The following PTCH1 variants were observed in gnomAD, a reference collection of about 807,000 sequenced individuals.
PTCH1 encodes patched 1, also known as protein patched homolog 1.
PTCH1 carries 14 observed loss-of-function variants against 144.6 expected under a neutral mutation model. The observed-to-expected ratio is 0.10, with a 90% CI of 0.06 to 0.15. PTCH1 has a LOEUF of 0.15. Ranked by LOEUF, PTCH1 falls within the 10% of genes least tolerant of loss-of-function variation. The probability of loss-of-function intolerance (pLI) is 1.00; values close to 1 mark genes in which losing one functional copy is unlikely to be tolerated. For synonymous variants in PTCH1, 833 were observed against 793.6 expected (o/e 1.05, Z -0.83); for missense variants, 1,623 against 1,948.3 (o/e 0.83, Z 3.14).
chr9:95,494,993 G>A (rs892680821), intron 2 of PTCH1: 10 of 152,422 alleles, frequency 6.6e-5, no homozygotes, highest in African/African-American at 2.4e-4. Flanking sequence ...CGACATGGGG[G>A]AGAAGACAAT....
intron 15 of PTCH1, among the ~76,000 whole-genome samples, chr9:95,463,231 G>A (rs1839694229): frequency 6.6e-6 from 1 of 152,072 alleles, no homozygotes; most frequent in African/African-American, 2.4e-5. Context: ...TGAAGTGTGG[G>A]GAGGGAGGGG....
upstream of PTCH1, among the ~76,000 whole-genome samples, chr9:95,509,917 A>G (rs1297954545): frequency 6.6e-6 from 1 of 152,120 alleles, no homozygotes; most frequent in Admixed American, 6.5e-5. Flanking sequence ...AACAGAATGG[A>G]AAGTTAAAGA....
At chr9:95,507,836 C>T in intron 1 of PTCH1, 1 of 977,746 alleles carries the variant, frequency 1.0e-6, no homozygotes, top group South Asian at 1.7e-5. Context: ...CCGCGGCCGC[C>T]CTTGAGGTGG....
At chr9:95,478,218 A>T (rs371407503) in intron 8 of PTCH1, 32 bp from the exon 9 acceptor site, 1 of 1,613,986 alleles carries the variant, frequency 6.2e-7, no homozygotes, top group Non-Finnish European at 8.5e-7. Flanking sequence ...AAATGCCCAA[A>T]TGCAATGAAC....
intron 2 of PTCH1, among the ~76,000 whole-genome samples, chr9:95,493,697 C>A (rs569455903): frequency 1.3e-5 from 2 of 152,104 alleles, no homozygotes; most frequent in Non-Finnish European, 2.9e-5. Context: ...TCAGGTCCTC[C>A]TTTCAATGTT....
intron 12 of PTCH1, among the ~76,000 whole-genome samples, chr9:95,472,974 G>A (rs990715363): frequency 6.6e-6 from 1 of 152,224 alleles, no homozygotes; most frequent in African/African-American, 2.4e-5. Flanking sequence ...CATAGGAAAT[G>A]CCCCATCCCC....
rs777658544 is a variant in PTCH1, at chr9:95,483,780, CAT to C, written c.585-1579_585-1578del. On this transcript the variant is annotated intron_variant, in intron 3 of 23. Transcript: ENST00000331920. The stretch of plus-strand genomic sequence containing the variant: ...CTCCACCTAGCCACACATCCATGGA[CAT>C]ATTTATATTTTAATTCTATACAGCA... 3 of 152,354 alleles carry C rather than the reference CAT, an allele frequency of 2.0e-5. No individual in the cohort carries two copies. In the East Asian group the frequency reaches 5.8e-4, roughly 29 times the overall value. 9.4% of individuals were successfully genotyped at this position (152,354 alleles called of 1,614,324 possible).
Position 95,461,710 on chromosome 9 carries a change from GAGTCACCC to G in PTCH1, c.2703+138_2703+145del, listed in dbSNP as rs1473252624. ...TTAGCTGGTGGGAGGAGGTGAATTA[GAGTCACCC>G]AATATTCTTTCTACCAGCTCCCAGT... On this transcript the variant is annotated intron_variant, in intron 16 of 23. Coordinates refer to ENST00000331920, the MANE Select transcript of PTCH1 (RefSeq NM_000264.5). 2.6e-6 allele frequency: 3 copies of G among 1,140,976 alleles called. No homozygotes were observed. In the East Asian group the frequency reaches 7.7e-5, roughly 29 times the overall value. 70.7% of individuals were successfully genotyped at this position (1,140,976 alleles called of 1,614,324 possible).
chr9:95,504,903 C>T (rs1564085272), intron 2 of PTCH1, among the ~76,000 whole-genome samples: 1 of 152,178 alleles, frequency 6.6e-6, no homozygotes, highest in Non-Finnish European at 1.5e-5. Context: ...GTGCTAGGGA[C>T]ATCATAGGTG....
chr9:95,499,094 C>T lies in PTCH1; in HGVS notation c.394+7313G>A, dbSNP rs28642867. 4.3e-3 allele frequency among the ~76,000 whole-genome samples: 648 copies of T among 152,220 alleles called. 2 individuals are homozygous for T. Among genetic ancestry groups the T allele is most frequent in the Non-Finnish European group, 5.2e-3 (356 of 68,022 alleles). ...GAACCCAGTTCTTCCACTGTCCATG[C>T]GCCACGGTAAGCACAGGGGACCAAG... On this transcript the variant is annotated intron_variant, in intron 2 of 23. Coordinates refer to ENST00000331920, the MANE Select transcript of PTCH1 (RefSeq NM_000264.5).
At position 95,444,104 on chromosome 9, in the gene PTCH1, GT is replaced by G. The variant is rs548096592; in HGVS notation, c.*2288del. ...ATACAAAATTATAAATATCAGCAAAGTTTTTTTTTTTTTAAAAATTAAAACA... is the reference window on the plus strand; with the variant it reads ...ATACAAAATTATAAATATCAGCAAAGTTTTTTTTTTTTAAAAATTAAAACA... On this transcript the variant is annotated 3_prime_UTR_variant, in exon 24 of 24. Coordinates refer to ENST00000331920, the MANE Select transcript of PTCH1 (RefSeq NM_000264.5). The G allele has an allele frequency of 2.2e-3, 327 of 145,738 alleles. No homozygotes were observed. The highest frequency in any genetic ancestry group is 6.0e-3 in the African/African-American group (240 of 39,990). The allele number at this position is 145,738 out of a possible 1,614,324, so 9.0% of individuals were successfully genotyped here.
chr9:95,469,189 G>GA (rs1840330488), intron 13 of PTCH1, 36 bp from the exon 14 acceptor site: 1 of 1,612,760 alleles, frequency 6.2e-7, no homozygotes, highest in African/African-American at 1.3e-5. Flanking sequence ...ATGTTATGCT[G>GA]AAACAGGGAA....
intron 2 of PTCH1, among the ~76,000 whole-genome samples, chr9:95,502,628 T>C (rs1000033761): frequency 2.6e-5 from 4 of 152,356 alleles, no homozygotes; most frequent in African/African-American, 7.2e-5. Flanking sequence ...TATCTTAACA[T>C]ATAATTGACA....
chr9:95,504,893 G>A (rs1564085243), intron 2 of PTCH1, among the ~76,000 whole-genome samples: 1 of 152,312 alleles, frequency 6.6e-6, no homozygotes, highest in East Asian at 1.9e-4. Flanking sequence ...GCTTAACACA[G>A]TGCTAGGGAC....
At position 95,469,229 on chromosome 9, in the gene PTCH1, G is replaced by A. The variant is rs185229631; in HGVS notation, c.1848-76C>T. The A allele has an allele frequency of 2.6e-5, 41 of 1,582,138 alleles. No individual in the cohort carries two copies. In the East Asian group the frequency reaches 8.3e-4, roughly 32 times the overall value. ...TGCTTTCATTCTGCCATTTTTCACTGTGTACGGAGAATACCCATTTTACAC... is the reference window on the plus strand; with the variant it reads ...TGCTTTCATTCTGCCATTTTTCACTATGTACGGAGAATACCCATTTTACAC... On this transcript the variant is annotated intron_variant, in intron 13 of 23. Coordinates refer to ENST00000331920, the MANE Select transcript of PTCH1 (RefSeq NM_000264.5).
chr9:95,477,837 G>A lies in PTCH1; in HGVS notation c.1348-135C>T, dbSNP rs201668318. Reference sequence around the variant, plus strand: ...AACAACAACAAAACTTTACATCAAGGGCGTCACATAAAATGACAGGAGTCA... The same window carrying A: ...AACAACAACAAAACTTTACATCAAGAGCGTCACATAAAATGACAGGAGTCA... On this transcript the variant is annotated intron_variant, in intron 9 of 23. Transcript: ENST00000331920. 2.0e-5 allele frequency: 29 copies of A among 1,464,492 alleles called. No individual in the cohort carries two copies. The East Asian group carries it at 6.4e-4, about 32-fold the overall frequency. The allele number at this position is 1,464,492 out of a possible 1,614,324, so 90.7% of individuals were successfully genotyped here. A position where few individuals can be genotyped will look rare whatever the true frequency, so the allele number is the denominator to read the frequency against.
chr9:95,499,860 G>A (rs1587673346), intron 2 of PTCH1, among the ~76,000 whole-genome samples: 1 of 152,112 alleles, frequency 6.6e-6, no homozygotes, highest in African/African-American at 2.4e-5. Flanking sequence ...CTGGCATGGT[G>A]AGGCAGAAGG....
At chr9:95,510,622 T>A (rs1434728727), upstream of PTCH1, among the ~76,000 whole-genome samples, 1 of 152,074 alleles carries the variant, frequency 6.6e-6, no homozygotes, top group East Asian at 1.9e-4. Flanking sequence ...TCACTTTATT[T>A]TTTTTTTTAA....
chr9:95,505,127 C>G (rs1843464240), intron 2 of PTCH1, among the ~76,000 whole-genome samples: 1 of 152,112 alleles, frequency 6.6e-6, no homozygotes, highest in African/African-American at 2.4e-5. Context: ...CTAAATACTC[C>G]AACTCCACCC....
Sources: gnomAD v4.1 joint callset for allele counts (sites outside exome capture counted in the v4.1 genomes callset) on GRCh38, gnomAD v4.1.1 for gene constraint, MANE v1.5 for transcripts, NCBI Gene and HGNC (gene_info 2026-07-23, HGNC 2026-07-21) for gene names.